GPC5: variants seen among roughly 807,000 people sequenced by gnomAD.
GPC5 encodes glypican-5.
A neutral mutation model predicts 53.9 loss-of-function variants in GPC5; 47 were observed. The ratio of observed to expected loss-of-function variants is 0.87; its 90% CI spans 0.69 to 1.11. GPC5 has a LOEUF of 1.11. GPC5 is among the 50% of genes most tolerant of loss of function. The probability of loss-of-function intolerance (pLI) is 0.00; values close to 1 mark genes in which losing one functional copy is unlikely to be tolerated. For missense variants in GPC5, 748 were observed against 713.1 expected (o/e 1.05, Z -0.56); for synonymous variants, 286 against 263.3 (o/e 1.09, Z -0.84).
chr13:92,461,612 G>A (rs1431457098), intron 7 of GPC5, among the ~76,000 whole-genome samples: 1 of 152,160 alleles, frequency 6.6e-6, no homozygotes, highest in Non-Finnish European at 1.5e-5. Context: ...TTATGCTTTT[G>A]GGAGGCAATT....
intron 2 of GPC5, among the ~76,000 whole-genome samples, chr13:91,511,814 G>A (rs549393229): frequency 5.9e-5 from 9 of 151,648 alleles, no homozygotes; most frequent in African/African-American, 2.2e-4. Context: ...GTATGATAAT[G>A]TATACATCTT....
chr13:92,494,825 T>C (rs1422733306), intron 7 of GPC5, among the ~76,000 whole-genome samples: 1 of 152,252 alleles, frequency 6.6e-6, no homozygotes, highest in Non-Finnish European at 1.5e-5. Context: ...TTAATCTTCC[T>C]CTTTTCCTAC....
In GPC5 at chr13:91,963,307, T is replaced by C. The variant is rs77130138; in HGVS notation, c.1401+55250T>C. Among the ~76,000 whole-genome samples, 18 of 152,302 alleles carry C rather than the reference T, an allele frequency of 1.2e-4. No homozygotes were observed. In the East Asian group the frequency reaches 3.5e-3, roughly 29 times the overall value. ...CAAGGTGACAAAGTTTAGGTAAGTA[T>C]ATCCACAGGTTTTGAATCCAATTTT... is the stretch of plus-strand genomic sequence containing the variant. On this transcript the variant is annotated intron_variant, in intron 6 of 7. Transcript: ENST00000377067.
chr13:91,520,688 G>C (rs1158174458), intron 2 of GPC5, among the ~76,000 whole-genome samples: 1 of 151,574 alleles, frequency 6.6e-6, no homozygotes, highest in South Asian at 2.1e-4. Flanking sequence ...ATATATATGT[G>C]TGTATATATG....
At chr13:92,590,689 A>T (rs1883685364) in intron 7 of GPC5, among the ~76,000 whole-genome samples, 1 of 152,220 alleles carries the variant, frequency 6.6e-6, no homozygotes, top group African/African-American at 2.4e-5. Flanking sequence ...CCACGTTGTT[A>T]TTGCAGGTTC....
At chr13:92,241,926 T>C (rs755843262) in intron 7 of GPC5, 1 of 151,856 alleles carries the variant, frequency 6.6e-6, no homozygotes, top group Non-Finnish European at 1.5e-5. Flanking sequence ...AGAAAAGAAG[T>C]AGAAGAATTA....
intron 3 of GPC5, among the ~76,000 whole-genome samples, chr13:91,713,289 A>G (rs2036268101): frequency 6.6e-6 from 1 of 152,202 alleles, no homozygotes; most frequent in South Asian, 2.1e-4. Context: ...ACTTATATTT[A>G]TGAAAAAATT....
At chr13:91,921,032 G>A (rs115390581) in intron 6 of GPC5, among the ~76,000 whole-genome samples, 227 of 138,142 alleles carry the variant, frequency 1.6e-3, no homozygotes, top group African/African-American at 6.0e-3. Context: ...TGTCTCCTGC[G>A]TTCAAGTGAT....
intron 7 of GPC5, among the ~76,000 whole-genome samples, chr13:92,416,470 G>A (rs1222864033): frequency 6.6e-6 from 1 of 152,150 alleles, no homozygotes; most frequent in Non-Finnish European, 1.5e-5. Flanking sequence ...AAGCAATGGA[G>A]ATAGAATAGT....
intron 6 of GPC5, among the ~76,000 whole-genome samples, chr13:91,941,256 A>G (rs1452070948): frequency 1.6e-4 from 24 of 152,028 alleles, no homozygotes; most frequent in Admixed American, 1.6e-3. Context: ...CCGTAGCCTT[A>G]TAGCATAGTT....
chr13:91,458,596 A>G (rs1881717223), intron 2 of GPC5, among the ~76,000 whole-genome samples: 1 of 152,164 alleles, frequency 6.6e-6, no homozygotes, highest in Non-Finnish European at 1.5e-5. Flanking sequence ...AAAAAATAAA[A>G]AAAAATAGAT....
intron 7 of GPC5, among the ~76,000 whole-genome samples, chr13:92,756,387 A>T (rs899697136): frequency 6.6e-6 from 1 of 151,920 alleles, no homozygotes; most frequent in Admixed American, 6.6e-5. Context: ...CTGAATGGAC[A>T]AAAACTGGAA....
intron 7 of GPC5, among the ~76,000 whole-genome samples, chr13:92,428,120 A>G (rs1316989847): frequency 3.3e-5 from 5 of 152,108 alleles, no homozygotes; most frequent in Admixed American, 3.3e-4. Flanking sequence ...ATATAAATAC[A>G]TAGAAATGAT....
intron 1 of GPC5, among the ~76,000 whole-genome samples, chr13:91,426,959 G>A (rs1395842360): frequency 6.6e-6 from 1 of 152,254 alleles, no homozygotes; most frequent in Non-Finnish European, 1.5e-5. Flanking sequence ...TTGCTTCAGA[G>A]GGTGCAAGTC....
chr13:92,726,215 C>G (rs1435702906), intron 7 of GPC5, among the ~76,000 whole-genome samples: 1 of 151,532 alleles, frequency 6.6e-6, no homozygotes, highest in Non-Finnish European at 1.5e-5. Context: ...AGTTTAGGCA[C>G]TCTTCCCATC....
At chr13:92,676,846 A>G (rs1413816402) in intron 7 of GPC5, among the ~76,000 whole-genome samples, 2 of 152,178 alleles carry the variant, frequency 1.3e-5, no homozygotes, top group African/African-American at 4.8e-5. Flanking sequence ...CTATTCAAAT[A>G]TAATTGAGAC....
rs1482818987 is a variant in GPC5 at position 92,385,506 on chromosome 13, A to ATG, written c.1561+240517_1561+240518insTG. ...TATATACACATATATACATACATAT[A>ATG]CATATATACATACATATGCATATAT... On this transcript the variant is annotated intron_variant, in intron 7 of 7. Transcript: ENST00000377067. Among the ~76,000 whole-genome samples the ATG allele has an allele frequency of 2.3e-4, 31 of 133,116 alleles. 2 individuals carry two copies. Among genetic ancestry groups the ATG allele is most frequent in the African/African-American group, 2.6e-4 (9 of 35,034 alleles). 87.3% of individuals were successfully genotyped at this position (133,116 alleles called of 152,430 possible).
chr13:91,682,982 GC>G (rs1455914071), intron 2 of GPC5, among the ~76,000 whole-genome samples: 2 of 151,870 alleles, frequency 1.3e-5, no homozygotes, highest in Non-Finnish European at 2.9e-5. Flanking sequence ...TGAATATTGG[GC>G]CCCAAAGATA....
At chr13:91,648,468 T>C (rs771415297) in intron 2 of GPC5, among the ~76,000 whole-genome samples, 23 of 152,168 alleles carry the variant, frequency 1.5e-4, no homozygotes, top group Non-Finnish European at 3.2e-4. Context: ...AGCTGTATTT[T>C]TTGATATATA....
Sources: gnomAD v4.1 joint callset for allele counts (sites outside exome capture counted in the v4.1 genomes callset) on GRCh38, gnomAD v4.1.1 for gene constraint, MANE v1.5 for transcripts, NCBI Gene and HGNC (gene_info 2026-07-23, HGNC 2026-07-21) for gene names.